NCK2: variants seen among roughly 807,000 people sequenced by gnomAD.
NCK2 encodes the protein NCK adaptor protein 2.
In NCK2, 16 loss-of-function variants were observed where a neutral mutation model predicts 33.9. That is an observed-to-expected ratio of 0.47 (90% CI 0.32 to 0.72). The LOEUF (loss-of-function observed/expected upper bound fraction) is 0.72, where lower values mean the gene tolerates loss of function less well. Ranked by LOEUF, NCK2 falls within the 30% of genes least tolerant of loss-of-function variation. NCK2 has a pLI of 0.03. For missense variants in NCK2, 418 were observed against 537.3 expected (o/e 0.78, Z 2.19); for synonymous variants, 273 against 239.9 (o/e 1.14, Z -1.27).
At position 105,855,207 on chromosome 2, in the gene NCK2, G is replaced by A. The variant is rs1191303101; in HGVS notation, c.144G>A (p.Thr48=). The change falls in exon 3 of 5, where the codon ACG becomes ACA. Residue 48 remains threonine (T), a synonymous_variant. Coordinates refer to ENST00000233154, the MANE Select transcript of NCK2 (RefSeq NM_003581.5). ...GGGTGAGGAACGCGGCCAACAGGAC[G>A]GGCTATGTACCGTCCAACTACGTGG... ...WWRVRNAANR[T]GYVPSNYVER... 5 of 1,613,984 alleles carry A rather than the reference G, an allele frequency of 3.1e-6. No homozygotes were observed. The highest frequency in any genetic ancestry group is 2.2e-5 in the South Asian group (2 of 91,064).
At chr2:105,835,172 A>G (rs932796024) in intron 2 of NCK2, among the ~76,000 whole-genome samples, 2 of 150,806 alleles carry the variant, frequency 1.3e-5, no homozygotes, top group Non-Finnish European at 2.9e-5. Context: ...AGTGAGTTTT[A>G]TACTTTTGTG....
At chr2:105,889,512 G>T (rs962959993) in intron 4 of NCK2, among the ~76,000 whole-genome samples, 3 of 151,984 alleles carry the variant, frequency 2.0e-5, no homozygotes, top group South Asian at 2.1e-4. Context: ...AGATGGCTGG[G>T]CTCCACCCCA....
chr2:105,813,924 C>T (rs1188541977), intron 1 of NCK2, among the ~76,000 whole-genome samples: 1 of 152,216 alleles, frequency 6.6e-6, no homozygotes, highest in Non-Finnish European at 1.5e-5. Context: ...GCACGTAGTG[C>T]TAGTGAAGTA....
At chr2:105,849,016 A>G (rs372857911) in intron 2 of NCK2, among the ~76,000 whole-genome samples, 68 of 152,310 alleles carry the variant, frequency 4.5e-4, no homozygotes, top group African/African-American at 1.6e-3. Flanking sequence ...TGTATTTTTG[A>G]AATTTCAAGT....
intron 3 of NCK2, among the ~76,000 whole-genome samples, chr2:105,874,658 A>G (rs143717752): frequency 1.4e-3 from 209 of 152,358 alleles, no homozygotes; most frequent in African/African-American, 4.5e-3. Context: ...TTGACGCTTC[A>G]GCTTAAATCT....
At chr2:105,811,399 T>G (rs1237258421) in intron 1 of NCK2, among the ~76,000 whole-genome samples, 1 of 152,138 alleles carries the variant, frequency 6.6e-6, no homozygotes, top group African/African-American at 2.4e-5. Flanking sequence ...CTGGCTGTAA[T>G]TTGCTTCTCA....
intron 3 of NCK2, among the ~76,000 whole-genome samples, chr2:105,876,855 C>T (rs1183607851): frequency 6.6e-6 from 1 of 152,084 alleles, no homozygotes; most frequent in Non-Finnish European, 1.5e-5. Context: ...AATGAGTTTG[C>T]CTTCGAATTA....
chr2:105,810,587 A>AAAAAGGCAATATGTAATT (rs1675257619), intron 1 of NCK2, among the ~76,000 whole-genome samples: 1 of 152,236 alleles, frequency 6.6e-6, no homozygotes, highest in African/African-American at 2.4e-5. Flanking sequence ...TGAACCTGTT[A>AAAAAGGCAATATGTAATT]AAAAGGCAAT....
In NCK2 at chr2:105,870,986, T is replaced by G. The variant is rs145032028; in HGVS notation, c.227-10342T>G. 4.2e-3 allele frequency among the ~76,000 whole-genome samples: 641 copies of G among 151,952 alleles called. 2 individuals are homozygous for G. The highest frequency in any genetic ancestry group is 0.014 in the African/African-American group (582 of 41,450). On this transcript the variant is annotated intron_variant, in intron 3 of 4. Transcript: ENST00000233154. ...ATAGCTGCAGAGCAGGGTCAGCGTG[T>G]TGTGTGCTTGGGAGGTCTGCTCATC...
At chr2:105,819,361 T>G (rs1675637689) in intron 2 of NCK2, among the ~76,000 whole-genome samples, 1 of 151,988 alleles carries the variant, frequency 6.6e-6, no homozygotes, top group African/African-American at 2.4e-5. Flanking sequence ...GGGGTAGAAC[T>G]TTTTAAAACA....
intron 1 of NCK2, among the ~76,000 whole-genome samples, chr2:105,808,092 A>G (rs535369656): frequency 2.6e-5 from 4 of 152,206 alleles, no homozygotes; most frequent in African/African-American, 7.2e-5. Flanking sequence ...TGGTAGAGAC[A>G]GGGTTTCACC....
chr2:105,745,700 T>C (rs1200362272), intron 1 of NCK2: 2 of 152,212 alleles, frequency 1.3e-5, no homozygotes, highest in Non-Finnish European at 2.9e-5. Flanking sequence ...TGCTGTCACA[T>C]TGCATAAAGG....
intron 1 of NCK2, among the ~76,000 whole-genome samples, chr2:105,789,722 CA>C (rs1176780405): frequency 6.6e-6 from 1 of 152,208 alleles, no homozygotes; most frequent in East Asian, 1.9e-4. Context: ...TCTCAAACCC[CA>C]ACTTAGGCTT....
intron 3 of NCK2, among the ~76,000 whole-genome samples, chr2:105,859,205 T>G (rs997542432): frequency 3.5e-4 from 54 of 152,226 alleles, no homozygotes; most frequent in African/African-American, 1.3e-3. Flanking sequence ...CAGTTTTTTG[T>G]TACTACTTTA....
chr2:105,820,147 A>G (rs1335893846), intron 2 of NCK2, among the ~76,000 whole-genome samples: 3 of 152,216 alleles, frequency 2.0e-5, no homozygotes, highest in African/African-American at 7.2e-5. Flanking sequence ...CAGAGGTATA[A>G]TGTGTTTCCT....
intron 3 of NCK2, among the ~76,000 whole-genome samples, chr2:105,866,832 C>G (rs1677784124): frequency 6.6e-6 from 1 of 152,100 alleles, no homozygotes; most frequent in Non-Finnish European, 1.5e-5. Context: ...GAGATGTACC[C>G]AGTAATTTTT....
At chr2:105,827,420 C>T (rs1246371114) in intron 2 of NCK2, among the ~76,000 whole-genome samples, 1 of 152,202 alleles carries the variant, frequency 6.6e-6, no homozygotes, top group African/African-American at 2.4e-5. Flanking sequence ...TCTCCATACT[C>T]TTCTCAACAG....
intron 1 of NCK2, among the ~76,000 whole-genome samples, chr2:105,776,830 A>G (rs1173255342): frequency 2.0e-5 from 3 of 151,908 alleles, no homozygotes; most frequent in Non-Finnish European, 4.4e-5. Flanking sequence ...GGTAGTCAGT[A>G]CTGCTGACCT....
At chr2:105,855,017 T>TG in intron 2 of NCK2, 31 bp from the exon 3 acceptor site, 1 of 1,549,096 alleles carries the variant, frequency 6.5e-7, no homozygotes, top group East Asian at 2.2e-5. Flanking sequence ...GGTAGTTCTC[T>TG]AATGAGCATC....
Sources: gnomAD v4.1 joint callset for allele counts (sites outside exome capture counted in the v4.1 genomes callset) on GRCh38, gnomAD v4.1.1 for gene constraint, MANE v1.5 for transcripts, NCBI Gene and HGNC (gene_info 2026-07-23, HGNC 2026-07-21) for gene names.